Variants in ST6GALNAC5 observed in about 807,000 individuals in gnomAD.
ST6GALNAC5 encodes the protein alpha-N-acetylgalactosaminide alpha-2,6-sialyltransferase 5.
In ST6GALNAC5, 27 loss-of-function variants were observed where a neutral mutation model predicts 33.6. The ratio of observed to expected loss-of-function variants is 0.80; its 90% CI spans 0.59 to 1.11. The LOEUF (loss-of-function observed/expected upper bound fraction) is 1.11, where lower values mean the gene tolerates loss of function less well. ST6GALNAC5 is among the 50% of genes least tolerant of loss of function. ST6GALNAC5 has a pLI of 0.00. For synonymous variants in ST6GALNAC5, 194 were observed against 171.2 expected, an observed-to-expected ratio of 1.13 and a Z score of -1.04; for missense variants, 428 against 454.0, an observed-to-expected ratio of 0.94 and a Z score of 0.52.
intron 2 of ST6GALNAC5, among the ~76,000 whole-genome samples, chr1:76,986,911 C>T (rs1649524144): frequency 6.6e-6 from 1 of 152,020 alleles, no homozygotes; most frequent in Non-Finnish European, 1.5e-5. Context: ...GCAAACTATC[C>T]CAAGGACAGA....
intron 2 of ST6GALNAC5, among the ~76,000 whole-genome samples, chr1:77,015,087 A>T (rs890964039): frequency 1.9e-5 from 1 of 53,260 alleles, no homozygotes; most frequent in African/African-American, 1.9e-4. Flanking sequence ...ACACACACAC[A>T]TGGAGCTTTA....
chr1:76,987,110 A>G (rs1175235776), intron 2 of ST6GALNAC5, among the ~76,000 whole-genome samples: 3 of 152,218 alleles, frequency 2.0e-5, no homozygotes, highest in Non-Finnish European at 4.4e-5. Context: ...TGGCATGTGT[A>G]TACCTATGTA....
In ST6GALNAC5 at chr1:76,997,212, T is replaced by C. The variant is rs74090573; in HGVS notation, c.262-46992T>C. Among the ~76,000 whole-genome samples the C allele has an allele frequency of 4.5e-3, 679 of 152,224 alleles. 8 individuals are homozygous for C. Among genetic ancestry groups the C allele is most frequent in the African/African-American group, 0.016 (651 of 41,544 alleles). ...TGAGTAGAAACTTGGGAAGTAAAAC[T>C]GAGTGATAGAGGATTAGTTTTCACA... is the stretch of plus-strand genomic sequence containing the variant. On this transcript the variant is annotated intron_variant, in intron 2 of 4. Transcript: ENST00000477717.
chr1:77,052,529 C>T (rs1397770056), intron 4 of ST6GALNAC5, among the ~76,000 whole-genome samples: 1 of 151,908 alleles, frequency 6.6e-6, no homozygotes, highest in Non-Finnish European at 1.5e-5. Context: ...ACACAGTATT[C>T]AGGAAAGAGT....
chr1:76,890,516 C>G (rs1416637812), intron 2 of ST6GALNAC5, among the ~76,000 whole-genome samples: 1 of 151,084 alleles, frequency 6.6e-6, no homozygotes, highest in Non-Finnish European at 1.5e-5. Flanking sequence ...GTCTGCAATG[C>G]CCATTCATTA....
chr1:76,888,557 A>AT (rs1198414580), intron 2 of ST6GALNAC5, among the ~76,000 whole-genome samples: 8 of 151,356 alleles, frequency 5.3e-5, no homozygotes, highest in South Asian at 2.1e-4. Flanking sequence ...ATATATTGGG[A>AT]TTTTTTCCCT....
intron 2 of ST6GALNAC5, among the ~76,000 whole-genome samples, chr1:76,911,106 T>A (rs1646906959): frequency 6.6e-6 from 1 of 152,108 alleles, no homozygotes; most frequent in Non-Finnish European, 1.5e-5. Flanking sequence ...AACACATTTA[T>A]AAAACTTCCC....
intron 2 of ST6GALNAC5, among the ~76,000 whole-genome samples, chr1:77,028,183 AC>A (rs1410566444): frequency 2.2e-4 from 34 of 152,232 alleles, no homozygotes; most frequent in African/African-American, 7.7e-4. Context: ...CCTGGGTATC[AC>A]TGAAACCTAA....
rs368272917 is a variant in ST6GALNAC5, at chr1:77,044,409, G to A, written c.467G>A (p.Arg156His). 55 of 1,613,296 alleles carry A rather than the reference G, an allele frequency of 3.4e-5. No individual in the cohort carries two copies. The Admixed American group carries it at 4.0e-4, about 12-fold the overall frequency. Residue 156 changes from arginine to histidine, a missense_variant, in exon 3 of 5, where the codon CGC becomes CAC. Arg to His is a conservative substitution (Grantham distance 29, BLOSUM62 0). Transcript: ENST00000477717. The part of the protein sequence containing the change: ...HSSIQRILRN[R>H]HDLLNVSQGT... ...AGCATCCAGAGGATCCTCCGCAACC[G>A]CCATGACCTGCTCAACGTGAGCCAG... is the stretch of plus-strand genomic sequence containing the variant.
At chr1:76,930,926 T>G (rs754316014) in intron 2 of ST6GALNAC5, among the ~76,000 whole-genome samples, 1 of 152,160 alleles carries the variant, frequency 6.6e-6, no homozygotes, top group Non-Finnish European at 1.5e-5. Context: ...CTCCTGGTGT[T>G]CACACCCTTG....
At chr1:76,918,808 C>G (rs757535712) in intron 2 of ST6GALNAC5, among the ~76,000 whole-genome samples, 4 of 151,974 alleles carry the variant, frequency 2.6e-5, no homozygotes, top group African/African-American at 9.7e-5. Context: ...CACACAGGCA[C>G]GCATAGAGTT....
intron 2 of ST6GALNAC5, among the ~76,000 whole-genome samples, chr1:76,969,585 C>A (rs1022921941): frequency 6.6e-6 from 1 of 152,230 alleles, no homozygotes; most frequent in Non-Finnish European, 1.5e-5. Context: ...GTAGACTCCA[C>A]CTATGGGGGC....
chr1:77,004,563 C>G (rs866401021), intron 2 of ST6GALNAC5, among the ~76,000 whole-genome samples: 6 of 136,520 alleles, frequency 4.4e-5, no homozygotes, highest in African/African-American at 1.5e-4. Context: ...GGAGGAGAGG[C>G]GCTCTGTGTT....
At chr1:76,972,027 A>G (rs1648778542) in intron 2 of ST6GALNAC5, among the ~76,000 whole-genome samples, 1 of 152,198 alleles carries the variant, frequency 6.6e-6, no homozygotes. Context: ...GTAAGTCAAT[A>G]TAATCATTTT....
chr1:77,054,772 C>A (rs549107992), intron 4 of ST6GALNAC5, among the ~76,000 whole-genome samples: 13 of 152,216 alleles, frequency 8.5e-5, no homozygotes, highest in Admixed American at 2.6e-4. Flanking sequence ...TCTCATCTCA[C>A]CCAAAGGGCC....
At chr1:76,950,345 T>G (rs1469498633) in intron 2 of ST6GALNAC5, among the ~76,000 whole-genome samples, 1 of 152,194 alleles carries the variant, frequency 6.6e-6, no homozygotes, top group Non-Finnish European at 1.5e-5. Context: ...ATTTTACATG[T>G]ATATAATATG....
chr1:76,928,239 G>A (rs1647104149), intron 2 of ST6GALNAC5, among the ~76,000 whole-genome samples: 1 of 152,108 alleles, frequency 6.6e-6, no homozygotes, highest in South Asian at 2.1e-4. Context: ...AAGGTCGACA[G>A]CTTTATCCTA....
chr1:76,991,836 T>TGC (rs555815121), intron 2 of ST6GALNAC5, among the ~76,000 whole-genome samples: 1,550 of 120,366 alleles, frequency 0.013, 11 homozygotes, highest in Non-Finnish European at 0.019. Flanking sequence ...CTCACGCGTG[T>TGC]GCGCACACAC....
intron 2 of ST6GALNAC5, among the ~76,000 whole-genome samples, chr1:76,999,557 G>A (rs902986071): frequency 1.3e-4 from 19 of 150,452 alleles, no homozygotes; most frequent in African/African-American, 4.4e-4. Context: ...AGTTACATAT[G>A]TATACATGTG....
Sources: allele counts gnomAD v4.1 joint callset (sites outside exome capture counted in the v4.1 genomes callset), GRCh38; gene constraint gnomAD v4.1.1; transcripts MANE v1.5; gene names NCBI Gene and HGNC (gene_info 2026-07-23, HGNC 2026-07-21).